Variants in MCTP1 observed in about 807,000 individuals in gnomAD.
MCTP1 encodes the protein multiple C2 and transmembrane domain containing 1.
Under a neutral mutation model 120.6 loss-of-function variants are expected in MCTP1, and 69 were observed. That is an observed-to-expected ratio of 0.57 (90% CI 0.47 to 0.70). MCTP1 has a LOEUF of 0.70. Among genes scored for constraint, MCTP1 ranks in the 30% least tolerant of loss-of-function variants. The pLI, the probability that MCTP1 is intolerant of heterozygous loss-of-function variation, is 0.00. For synonymous variants in MCTP1, 529 were observed against 493.1 expected, an observed-to-expected ratio of 1.07 and a Z score of -0.96; for missense variants, 1,203 against 1,248.8, an observed-to-expected ratio of 0.96 and a Z score of 0.55.
At chr5:95,137,202 A>C (rs1438215291) in intron 1 of MCTP1, among the ~76,000 whole-genome samples, 2 of 152,184 alleles carry the variant, frequency 1.3e-5, no homozygotes, top group African/African-American at 4.8e-5. Flanking sequence ...TCACTAGAGG[A>C]GGCAGGAAGC....
intron 1 of MCTP1, among the ~76,000 whole-genome samples, chr5:95,180,513 C>T (rs1212071627): frequency 6.6e-6 from 1 of 152,180 alleles, no homozygotes; most frequent in Non-Finnish European, 1.5e-5. Context: ...GGGCACTGTG[C>T]TTTCTTGGCT....
chr5:94,962,896 C>G (rs551646023), intron 2 of MCTP1, among the ~76,000 whole-genome samples: 2 of 152,112 alleles, frequency 1.3e-5, no homozygotes, highest in Admixed American at 1.3e-4. Context: ...CATAATAAAT[C>G]TTTAAACTTG....
chr5:95,246,120 G>A (rs1235786724), intron 1 of MCTP1, among the ~76,000 whole-genome samples: 8 of 152,080 alleles, frequency 5.3e-5, no homozygotes, highest in African/African-American at 1.4e-4. Flanking sequence ...TTACAGACAA[G>A]AAATGCTGAG....
chr5:95,166,567 C>CTT (rs1160952243), intron 1 of MCTP1, among the ~76,000 whole-genome samples: 1 of 117,470 alleles, frequency 8.5e-6, no homozygotes. Flanking sequence ...TAATTTTAAT[C>CTT]ATTTTTTTTT....
chr5:95,105,103 C>T (rs1428300594), intron 1 of MCTP1, among the ~76,000 whole-genome samples: 1 of 152,174 alleles, frequency 6.6e-6, no homozygotes, highest in Admixed American at 6.5e-5. Context: ...GTGTAATTCT[C>T]ATACTCAGGA....
intron 12 of MCTP1, among the ~76,000 whole-genome samples, chr5:94,875,845 A>G (rs1200117529): frequency 2.0e-5 from 3 of 151,966 alleles, no homozygotes; most frequent in African/African-American, 4.8e-5. Flanking sequence ...GGTTAAGGAG[A>G]AAGCAGGCAA....
chr5:95,085,940 T>C (rs1030884392), intron 1 of MCTP1, among the ~76,000 whole-genome samples: 8 of 152,066 alleles, frequency 5.3e-5, no homozygotes, highest in Non-Finnish European at 8.8e-5. Context: ...ATTTAGGAGG[T>C]CTTTATATAT....
At chr5:95,283,075 T>G (rs1682047045) in intron 1 of MCTP1, among the ~76,000 whole-genome samples, 1 of 152,232 alleles carries the variant, frequency 6.6e-6, no homozygotes, top group South Asian at 2.1e-4. Context: ...GCAGTGCCTC[T>G]TCGAAATTGA....
At chr5:94,854,837 C>T (rs2153227320) in intron 17 of MCTP1, among the ~76,000 whole-genome samples, 1 of 151,898 alleles carries the variant, frequency 6.6e-6, no homozygotes, top group Middle Eastern at 3.4e-3. Flanking sequence ...GTATATAAAG[C>T]TATGAATCTG....
intron 1 of MCTP1, among the ~76,000 whole-genome samples, chr5:95,217,395 A>G (rs1345581927): frequency 9.9e-5 from 15 of 152,216 alleles, no homozygotes; most frequent in Admixed American, 9.8e-4. Context: ...ATTTGACAAA[A>G]GTTCAGTCAG....
At chr5:95,110,775 C>T (rs1019393857) in intron 1 of MCTP1, among the ~76,000 whole-genome samples, 1 of 152,240 alleles carries the variant, frequency 6.6e-6, no homozygotes, top group African/African-American at 2.4e-5. Flanking sequence ...AGCTAAAATT[C>T]AGAAGTTCTT....
intron 2 of MCTP1, among the ~76,000 whole-genome samples, chr5:94,963,625 T>C (rs1332695019): frequency 1.3e-5 from 2 of 152,084 alleles, no homozygotes; most frequent in Non-Finnish European, 2.9e-5. Context: ...AAATCTCTAT[T>C]TTGGTCCTTT....
chr5:95,150,645 G>T (rs1760805901), intron 1 of MCTP1, among the ~76,000 whole-genome samples: 1 of 152,124 alleles, frequency 6.6e-6, no homozygotes, highest in South Asian at 2.1e-4. Flanking sequence ...TACTACAAAG[G>T]TATCAGAATT....
Position 94,729,023 on chromosome 5 carries a change from A to C in MCTP1, c.2611-14137T>G, listed in dbSNP as rs185012110. Among the ~76,000 whole-genome samples, 129 of 152,372 alleles carry C rather than the reference A, an allele frequency of 8.5e-4. 2 individuals carry two copies. The highest frequency in any genetic ancestry group is 1.4e-3 in the Non-Finnish European group (97 of 68,042). ...AATACATGGATAAACAAACAAAAAC[A>C]GCAGATAGTAAAAAGCGCAATGAAG... On this transcript the variant is annotated intron_variant, in intron 19 of 22. Transcript: ENST00000515393.
intron 1 of MCTP1, among the ~76,000 whole-genome samples, chr5:95,102,065 GCTC>G (rs1351424186): frequency 6.6e-6 from 1 of 152,104 alleles, no homozygotes; most frequent in Non-Finnish European, 1.5e-5. Context: ...TGTCTTTGCA[GCTC>G]CTCATGTTAA....
chr5:94,811,857 A>G (rs1783493842), intron 17 of MCTP1, among the ~76,000 whole-genome samples: 1 of 152,198 alleles, frequency 6.6e-6, no homozygotes, highest in South Asian at 2.1e-4. Flanking sequence ...CCAGAGTTCT[A>G]AAAGAAGGCC....
chr5:94,710,183 T>C (rs1374666551), intron 21 of MCTP1: 4 of 152,120 alleles, frequency 2.6e-5, no homozygotes, highest in Non-Finnish European at 5.9e-5. Context: ...AAAAGAAGAA[T>C]GCTGCAACTG....
chr5:95,227,485 A>G (rs1158517334), intron 1 of MCTP1, among the ~76,000 whole-genome samples: 2 of 152,254 alleles, frequency 1.3e-5, no homozygotes, highest in Non-Finnish European at 2.9e-5. Context: ...TTCAGAAAAG[A>G]TAAACGGGAG....
At chr5:94,744,771 A>G (rs529624914) in intron 19 of MCTP1, among the ~76,000 whole-genome samples, 114 of 152,246 alleles carry the variant, frequency 7.5e-4, no homozygotes, top group African/African-American at 2.5e-3. Context: ...TCGGCCTCCA[A>G]CGTGCTGGGA....
Sources: gnomAD v4.1 joint callset for allele counts (sites outside exome capture counted in the v4.1 genomes callset) on GRCh38, gnomAD v4.1.1 for gene constraint, MANE v1.5 for transcripts, NCBI Gene and HGNC (gene_info 2026-07-23, HGNC 2026-07-21) for gene names.